Variants in ATP6V1B2 observed in about 807,000 individuals in gnomAD.
The protein encoded by ATP6V1B2 is ATPase H+ transporting V1 subunit B2.
A neutral mutation model predicts 66.7 loss-of-function variants in ATP6V1B2; 23 were observed. That is an observed-to-expected ratio of 0.34 (90% CI 0.25 to 0.49). The LOEUF (loss-of-function observed/expected upper bound fraction) is 0.49, where lower values mean the gene tolerates loss of function less well. Among genes scored for constraint, ATP6V1B2 ranks in the 20% least tolerant of loss-of-function variants. The pLI is 0.99. For missense variants in ATP6V1B2, 478 were observed against 650.8 expected, an observed-to-expected ratio of 0.73 and a Z score of 2.89; for synonymous variants, 278 against 236.7, an observed-to-expected ratio of 1.17 and a Z score of -1.60.
intron 13 of ATP6V1B2, among the ~76,000 whole-genome samples, chr8:20,219,131 T>C (rs2072883908): frequency 6.6e-6 from 1 of 152,224 alleles, no homozygotes; most frequent in South Asian, 2.1e-4. Context: ...TTTAATATGC[T>C]TTTGAATCAG....
chr8:20,206,428 G>A (rs181622951), intron 2 of ATP6V1B2, among the ~76,000 whole-genome samples: 1 of 152,234 alleles, frequency 6.6e-6, no homozygotes, highest in African/African-American at 2.4e-5. Flanking sequence ...TACAGATTGA[G>A]GATACCCTTC....
intron 2 of ATP6V1B2, among the ~76,000 whole-genome samples, chr8:20,207,048 C>T (rs1030303683): frequency 6.6e-6 from 1 of 152,084 alleles, no homozygotes; most frequent in African/African-American, 2.4e-5. Context: ...GATCAGTTTA[C>T]AAAAATTTTT....
chr8:20,197,669 C>T, intron 1 of ATP6V1B2, 127 bp downstream of exon 1: 1 of 1,181,858 alleles, frequency 8.5e-7, no homozygotes, highest in Non-Finnish European at 1.1e-6. Flanking sequence ...CCCCTCCGAC[C>T]CTGACCCACT....
intron 11 of ATP6V1B2, chr8:20,216,750 A>C: frequency 3.0e-6 from 1 of 331,550 alleles, no homozygotes. Flanking sequence ...CTTTTTTGGG[A>C]ATTCTGTTCC....
chr8:20,214,632 T>C, intron 9 of ATP6V1B2, 186 bp from the exon 10 acceptor site: 3 of 604,512 alleles, frequency 5.0e-6, no homozygotes, highest in South Asian at 1.6e-4. Flanking sequence ...ATTGTCAACA[T>C]TTTTGTTACA....
intron 1 of ATP6V1B2, among the ~76,000 whole-genome samples, chr8:20,201,430 G>T (rs2072686334): frequency 6.6e-6 from 1 of 152,190 alleles, no homozygotes; most frequent in Non-Finnish European, 1.5e-5. Flanking sequence ...GAGATAAAAG[G>T]TAGTGTTTGT....
chr8:20,212,056 T>A, intron 7 of ATP6V1B2, 46 bp from the exon 8 acceptor site: 18 of 1,526,372 alleles, frequency 1.2e-5, no homozygotes, highest in Non-Finnish European at 1.6e-5. Flanking sequence ...AAATAAATGT[T>A]AAGGATTTTT....
At chr8:20,202,270 T>G (rs369150910) in intron 1 of ATP6V1B2, among the ~76,000 whole-genome samples, 1 of 152,190 alleles carries the variant, frequency 6.6e-6, no homozygotes, top group East Asian at 1.9e-4. Context: ...AATAAGTGGC[T>G]TTGGAGCTAG....
intron 1 of ATP6V1B2, among the ~76,000 whole-genome samples, chr8:20,200,645 G>T (rs1323424570): frequency 1.3e-5 from 2 of 152,170 alleles, no homozygotes; most frequent in African/African-American, 4.8e-5. Context: ...TAAAAGAAAA[G>T]ATTCAACAAC....
At position 20,216,465 on chromosome 8, in the gene ATP6V1B2, C is replaced by G. The variant is rs138887483; in HGVS notation, c.1131C>G (p.Ile377Met). 1 of 1,613,372 alleles carries G rather than the reference C, an allele frequency of 6.2e-7. No homozygotes were observed. Among genetic ancestry groups the G allele is most frequent in the Admixed American group, 1.7e-5 (1 of 59,942 alleles). ...DLTGYITEGQ[I>M]YVDRQLHNRQ... ...CTGGCTACATTACAGAGGGGCAGAT[C>G]TATGTGGACAGACAGCTGCACAACA... is the stretch of plus-strand genomic sequence containing the variant. The change falls in exon 11 of 14, where the codon ATC becomes ATG. Residue 377 changes from isoleucine (I) to methionine (M), a missense_variant. Physicochemically the swap from Ile to Met is conservative, Grantham distance 10. Around this residue, in one of 2 missense-constraint regions of ATP6V1B2, gnomAD observed 326 missense variants for 545.6 expected, o/e 0.60. Transcript: ENST00000276390.
At chr8:20,217,778 G>A (rs762248763) in intron 12 of ATP6V1B2, among the ~76,000 whole-genome samples, 90 of 152,150 alleles carry the variant, frequency 5.9e-4, no homozygotes, top group Non-Finnish European at 1.1e-3. Flanking sequence ...AAACACTATG[G>A]CCATAAAGTA....
chr8:20,204,182 A>G (rs1252043358), intron 1 of ATP6V1B2: 2 of 403,032 alleles, frequency 5.0e-6, no homozygotes, highest in Non-Finnish European at 4.7e-6. Flanking sequence ...ACCCCCTCGC[A>G]TAAGACTGAA....
intron 2 of ATP6V1B2, among the ~76,000 whole-genome samples, chr8:20,206,919 A>C (rs1305404353): frequency 6.6e-6 from 1 of 152,212 alleles, no homozygotes; most frequent in Non-Finnish European, 1.5e-5. Context: ...CAAAGCGATT[A>C]GAAGGGAAAA....
chr8:20,205,232 T>G (rs10090992), intron 2 of ATP6V1B2, among the ~76,000 whole-genome samples: 28,845 of 152,174 alleles, frequency 0.19, 2,888 homozygotes, highest in Middle Eastern at 0.31. Flanking sequence ...AAATAAACTT[T>G]TGGACTCATT....
chr8:20,218,131 T>C, intron 12 of ATP6V1B2, 22 bp from the exon 13 acceptor site: 1 of 1,610,450 alleles, frequency 6.2e-7, no homozygotes, highest in South Asian at 1.1e-5. Context: ...TCTCTGCTGA[T>C]GGGTGCCTTT....
At chr8:20,203,212 G>A (rs534606345) in intron 1 of ATP6V1B2, among the ~76,000 whole-genome samples, 2 of 152,244 alleles carry the variant, frequency 1.3e-5, no homozygotes, top group East Asian at 3.9e-4. Flanking sequence ...AGTTCAGTTG[G>A]GGGGCCTCTA....
chr8:20,220,597 C>T lies in ATP6V1B2; in HGVS notation c.*195C>T. The T allele has an allele frequency of 1.3e-6, 1 of 755,222 alleles. No homozygotes were observed. Among genetic ancestry groups the T allele is most frequent in the Non-Finnish European group, 1.9e-6 (1 of 518,096 alleles). 46.8% of individuals were successfully genotyped at this position (755,222 alleles called of 1,614,324 possible). ...AACAGACCTTAAAATATCCCCCTACCTGGGTCCTCAGTGCTATGTTTAAAG... is the reference window on the plus strand; with the variant it reads ...AACAGACCTTAAAATATCCCCCTACTTGGGTCCTCAGTGCTATGTTTAAAG... On this transcript the variant is annotated 3_prime_UTR_variant, in exon 14 of 14. Coordinates refer to ENST00000276390, the MANE Select transcript of ATP6V1B2 (RefSeq NM_001693.4).
intron 2 of ATP6V1B2, 50 bp from the exon 3 acceptor site, chr8:20,209,383 G>A (rs2072770742): frequency 1.3e-6 from 2 of 1,542,076 alleles, no homozygotes; most frequent in Non-Finnish European, 1.8e-6. Context: ...GTAGTAATTT[G>A]GGGGGCTTGT....
At chr8:20,219,853 G>A (rs540306142) in intron 13 of ATP6V1B2, among the ~76,000 whole-genome samples, 8 of 152,140 alleles carry the variant, frequency 5.3e-5, no homozygotes. Flanking sequence ...TGGCATTTAT[G>A]TCCTTCTGAG....
Sources: allele counts gnomAD v4.1 joint callset (sites outside exome capture counted in the v4.1 genomes callset), GRCh38; gene constraint gnomAD v4.1.1; regional missense constraint gnomAD v4.1.1; transcripts MANE v1.5; gene names NCBI Gene and HGNC (gene_info 2026-07-23, HGNC 2026-07-21).